The following RGS6 variants were observed in gnomAD, a reference collection of about 807,000 sequenced individuals.
The protein encoded by RGS6 is regulator of G protein signaling 6.
In RGS6, 30 loss-of-function variants were observed where a neutral mutation model predicts 78.5. The ratio of observed to expected loss-of-function variants is 0.38; its 90% CI spans 0.29 to 0.52. The LOEUF (loss-of-function observed/expected upper bound fraction) is 0.52, where lower values mean the gene tolerates loss of function less well. Ranked by LOEUF, RGS6 falls within the 20% of genes least tolerant of loss-of-function variation. The pLI is 0.85. For synonymous variants in RGS6, 206 were observed against 206.0 expected (o/e 1.00, Z 0.00); for missense variants, 495 against 609.7 (o/e 0.81, Z 1.98).
At chr14:72,117,755 A>G (rs1004993608) in intron 2 of RGS6, among the ~76,000 whole-genome samples, 1 of 152,112 alleles carries the variant, frequency 6.6e-6, no homozygotes, top group African/African-American at 2.4e-5. Context: ...GGAGTGATGC[A>G]ATCTGATTTA....
intron 2 of RGS6, among the ~76,000 whole-genome samples, chr14:72,175,301 A>C (rs1321880484): frequency 6.6e-6 from 1 of 152,186 alleles, no homozygotes; most frequent in Non-Finnish European, 1.5e-5. Flanking sequence ...AAGCAAAATA[A>C]GTCAGCAGAG....
chr14:72,542,659 G>A (rs1018787120), intron 17 of RGS6, among the ~76,000 whole-genome samples: 1 of 152,166 alleles, frequency 6.6e-6, no homozygotes, highest in African/African-American at 2.4e-5. Context: ...TTAATTGATG[G>A]CAAAAAGAAA....
chr14:72,535,910 C>A (rs1206608640), intron 15 of RGS6, among the ~76,000 whole-genome samples: 1 of 152,158 alleles, frequency 6.6e-6, no homozygotes, highest in Non-Finnish European at 1.5e-5. Flanking sequence ...TGGTTTTAAT[C>A]ATTAAGCACC....
intron 2 of RGS6, among the ~76,000 whole-genome samples, chr14:72,092,031 GTTTT>G (rs2095284899): frequency 1.3e-5 from 1 of 79,734 alleles, no homozygotes; most frequent in Non-Finnish European, 2.5e-5. Context: ...GTTTTGTTTT[GTTTT>G]GTTTTTGAGA....
At chr14:72,495,093 G>A in intron 12 of RGS6, 59 bp from the exon 13 acceptor site, 1 of 1,002,492 alleles carries the variant, frequency 1.0e-6, no homozygotes, top group South Asian at 1.3e-5. Context: ...GTGTAAAACA[G>A]AATAAAGGGG....
the RGS6 span, among the ~76,000 whole-genome samples, chr14:71,888,123 G>C: frequency 1.3e-5 from 2 of 152,102 alleles, no homozygotes; most frequent in African/African-American, 4.8e-5. Context: ...TGAAATATTG[G>C]GGGTGGGTTC....
chr14:71,941,791 T>C (rs1157387694), intron 1 of RGS6, among the ~76,000 whole-genome samples: 1 of 152,218 alleles, frequency 6.6e-6, no homozygotes, highest in African/African-American at 2.4e-5. Flanking sequence ...TTAATCTCTT[T>C]TGGGCAACAC....
At position 71,932,603 on chromosome 14, in the gene RGS6, C is replaced by T. The variant is rs2088003052; in HGVS notation, c.-359C>T. 6.6e-6 allele frequency: 1 copy of T among 152,206 alleles called. No individual in the cohort carries two copies. 9.4% of individuals were successfully genotyped at this position (152,206 alleles called of 1,614,324 possible). A position where few individuals can be genotyped will look rare whatever the true frequency, so the allele number is the denominator to read the frequency against. Reference sequence around the variant, plus strand: ...GCAGAGGCGGGCAAGCGGCGAACGCCTGGGAGCGCGGAGAGCCAGGCCAGC... The same window carrying T: ...GCAGAGGCGGGCAAGCGGCGAACGCTTGGGAGCGCGGAGAGCCAGGCCAGC... On this transcript the variant is annotated 5_prime_UTR_variant, in exon 1 of 18. Transcript: ENST00000553525.
At chr14:71,902,207 G>C in the RGS6 span, among the ~76,000 whole-genome samples, 1 of 152,042 alleles carries the variant, frequency 6.6e-6, no homozygotes, top group Admixed American at 6.6e-5. Flanking sequence ...TGAGTTTTCT[G>C]TTACTTGCAT....
At chr14:72,444,373 G>A (rs1377425835) in intron 3 of RGS6, among the ~76,000 whole-genome samples, 3 of 152,130 alleles carry the variant, frequency 2.0e-5, no homozygotes, top group Non-Finnish European at 4.4e-5. Context: ...GTGGGAGGGA[G>A]GTGAGGGGGG....
chr14:72,232,699 G>T (rs1192086399), intron 2 of RGS6, among the ~76,000 whole-genome samples: 3 of 152,184 alleles, frequency 2.0e-5, no homozygotes, highest in Admixed American at 6.5e-5. Flanking sequence ...GGGTAGGAAT[G>T]CTGGGGACCT....
chr14:72,445,615 A>G (rs534700345), intron 3 of RGS6, among the ~76,000 whole-genome samples: 1 of 152,178 alleles, frequency 6.6e-6, no homozygotes, highest in Non-Finnish European at 1.5e-5. Context: ...AAAACAATTG[A>G]GGAAAAATTT....
intron 2 of RGS6, among the ~76,000 whole-genome samples, chr14:71,975,471 T>G (rs1768736723): frequency 1.3e-5 from 2 of 152,064 alleles, no homozygotes; most frequent in Admixed American, 1.3e-4. Context: ...GGGATTCTTT[T>G]TTTTTTTGAT....
chr14:72,047,921 T>A (rs918556408), intron 2 of RGS6, among the ~76,000 whole-genome samples: 12 of 137,150 alleles, frequency 8.7e-5, no homozygotes, highest in African/African-American at 3.3e-4. Context: ...TTTTTTTTTT[T>A]AGTAGAGACA....
intron 3 of RGS6, among the ~76,000 whole-genome samples, chr14:72,453,708 A>G: frequency 6.6e-6 from 1 of 151,386 alleles, no homozygotes; most frequent in Non-Finnish European, 1.5e-5. Context: ...CTAAGTCCCA[A>G]ATTTCAGGGG....
At chr14:72,294,098 C>A (rs1429014239) in intron 2 of RGS6, among the ~76,000 whole-genome samples, 1 of 152,176 alleles carries the variant, frequency 6.6e-6, no homozygotes, top group Non-Finnish European at 1.5e-5. Context: ...ACAAGAGGTC[C>A]TTTTTGTAAT....
chr14:72,175,006 A>G lies in RGS6; in HGVS notation c.85-177089A>G, dbSNP rs145267563. On this transcript the variant is annotated intron_variant, in intron 2 of 17. Transcript: ENST00000553525. Reference sequence around the variant, plus strand: ...TCCCAGACAGGTCTGTTCTCCATGGAATACATTAAGGGATTGATTTACCTG... The same window carrying G: ...TCCCAGACAGGTCTGTTCTCCATGGGATACATTAAGGGATTGATTTACCTG... Among the ~76,000 whole-genome samples the G allele has an allele frequency of 4.2e-3, 645 of 152,180 alleles. 4 individuals are homozygous for G. The highest frequency in any genetic ancestry group is 0.015 in the African/African-American group (624 of 41,544).
intron 2 of RGS6, among the ~76,000 whole-genome samples, chr14:72,029,442 T>A (rs2090475200): frequency 6.6e-6 from 1 of 152,266 alleles, no homozygotes; most frequent in African/African-American, 2.4e-5. Flanking sequence ...GAGTACCTCA[T>A]GTTCAGTGAT....
At chr14:72,380,952 A>C (rs10141305) in intron 3 of RGS6, among the ~76,000 whole-genome samples, 48,245 of 151,962 alleles carry the variant, frequency 0.32, 7,924 homozygotes, top group South Asian at 0.47. Context: ...AACAAAGAAA[A>C]TGTGGTATGA....
Sources: allele counts gnomAD v4.1 joint callset (sites outside exome capture counted in the v4.1 genomes callset), GRCh38; gene constraint gnomAD v4.1.1; transcripts MANE v1.5; gene names NCBI Gene and HGNC (gene_info 2026-07-23, HGNC 2026-07-21).